THOC1: variants seen among roughly 807,000 people sequenced by gnomAD.
The protein encoded by THOC1 is THO complex 1.
In THOC1, 29 loss-of-function variants were observed where a neutral mutation model predicts 97.3. That is an observed-to-expected ratio of 0.30 (90% CI 0.22 to 0.41). The LOEUF (loss-of-function observed/expected upper bound fraction) is 0.41, where lower values mean the gene tolerates loss of function less well. THOC1 is among the 10% of genes least tolerant of loss of function. The probability of loss-of-function intolerance (pLI) is 1.00; values close to 1 mark genes in which losing one functional copy is unlikely to be tolerated. For missense variants in THOC1, 529 were observed against 761.9 expected, an observed-to-expected ratio of 0.69 and a Z score of 3.60; for synonymous variants, 255 against 257.0, an observed-to-expected ratio of 0.99 and a Z score of 0.07.
At chr18:215,755 G>A in intron 19 of THOC1, 1 of 430,136 alleles carries the variant, frequency 2.3e-6, no homozygotes, top group Non-Finnish European at 4.2e-6. Context: ...CAGGAAGTCA[G>A]TAAAAAGCAC....
chr18:216,854 G>A (rs557841860), intron 18 of THOC1, among the ~76,000 whole-genome samples: 1 of 152,014 alleles, frequency 6.6e-6, no homozygotes, highest in South Asian at 2.1e-4. Context: ...AACAATGCCT[G>A]AAGAGGCAGG....
intron 11 of THOC1, chr18:245,588 C>T (rs1197696570): frequency 1.3e-5 from 2 of 152,328 alleles, no homozygotes; most frequent in African/African-American, 4.8e-5. Context: ...AAGTTCCACC[C>T]TAGTCCTTGG....
At chr18:243,225 C>T (rs1911968531) in intron 11 of THOC1, among the ~76,000 whole-genome samples, 1 of 152,044 alleles carries the variant, frequency 6.6e-6, no homozygotes, top group Non-Finnish European at 1.5e-5. Flanking sequence ...GTGCTTAATC[C>T]TGAAAGTTCA....
intron 11 of THOC1, among the ~76,000 whole-genome samples, chr18:241,537 G>A (rs1051709807): frequency 6.6e-5 from 10 of 152,274 alleles, no homozygotes; most frequent in African/African-American, 2.4e-4. Flanking sequence ...ACCTCACCCT[G>A]GTAACTGCTA....
At chr18:260,155 A>C in intron 5 of THOC1, 31 bp downstream of exon 5, 1 of 1,371,588 alleles carries the variant, frequency 7.3e-7, no homozygotes, top group East Asian at 2.6e-5. Flanking sequence ...AGAAAGATAA[A>C]GTTAGCAGGA....
Position 251,450 on chromosome 18 carries a change from TA to T in THOC1, c.677+1088del, listed in dbSNP as rs879669113. Among the ~76,000 whole-genome samples, 69 of 152,348 alleles carry T rather than the reference TA, an allele frequency of 4.5e-4. 1 individual carries two copies. Among genetic ancestry groups the T allele is most frequent in the Admixed American group, 1.8e-3 (28 of 15,308 alleles). On this transcript the variant is annotated intron_variant, in intron 9 of 20. Coordinates refer to ENST00000261600, the MANE Select transcript of THOC1 (RefSeq NM_005131.3). ...AGTGCCAGTGAAGGAAAATTTTCCT[TA>T]ATGCCTTCTCTTTTCTCTTGCTCAT...
chr18:236,993 G>C (rs1911726432), intron 11 of THOC1, among the ~76,000 whole-genome samples: 1 of 151,918 alleles, frequency 6.6e-6, no homozygotes, highest in South Asian at 2.1e-4. Flanking sequence ...GAGTAGGCAA[G>C]AGGGTAGTCT....
intron 9 of THOC1, among the ~76,000 whole-genome samples, chr18:249,618 C>T (rs192906517): frequency 7.7e-4 from 116 of 150,612 alleles, no homozygotes; most frequent in Non-Finnish European, 1.4e-3. Context: ...GCCGAGATCA[C>T]AGCACTGCAC....
chr18:259,659 C>G, intron 6 of THOC1, 23 bp downstream of exon 6: 2 of 1,518,604 alleles, frequency 1.3e-6, no homozygotes, highest in South Asian at 2.5e-5. Flanking sequence ...AAAAAGCAAT[C>G]ATTTTATCAC....
At position 252,629 on chromosome 18, in the gene THOC1, A is replaced by G. The variant is rs1475918850; in HGVS notation, c.604-17T>C. ...TTCAGTGTGCTAAATTGAAAAAAAA[A>G]TGTATAGCCTGTCATGAAGCAGTCA... is the stretch of plus-strand genomic sequence containing the variant. On this transcript the variant is annotated splice_polypyrimidine_tract_variant and intron_variant, in intron 8 of 20. Transcript: ENST00000261600. The G allele has an allele frequency of 6.3e-7, 1 of 1,587,192 alleles. No homozygotes were observed. Among genetic ancestry groups the G allele is most frequent in the African/African-American group, 1.4e-5 (1 of 73,968 alleles).
chr18:264,122 AG>A (rs1336319115), intron 3 of THOC1, 30 bp from the exon 4 acceptor site: 2 of 1,525,620 alleles, frequency 1.3e-6, no homozygotes, highest in Admixed American at 1.7e-5. Context: ...AATTTAATTT[AG>A]GGGCAAGAGT....
intron 10 of THOC1, 72 bp from the exon 11 acceptor site, chr18:246,527 T>G: frequency 7.5e-7 from 1 of 1,340,992 alleles, no homozygotes; most frequent in Non-Finnish European, 1.0e-6. Context: ...TGCATCAAAA[T>G]GCCTAGAATT....
chr18:259,418 C>CA, intron 6 of THOC1, 143 bp from the exon 7 acceptor site: 2 of 704,726 alleles, frequency 2.8e-6, no homozygotes, highest in South Asian at 2.2e-5. Context: ...ACCACTGCCA[C>CA]AAAAAAGTAC....
rs567530510 is a variant in THOC1, at chr18:230,634, C to G, written c.919-3733G>C. Among the ~76,000 whole-genome samples the G allele has an allele frequency of 4.5e-4, 69 of 152,336 alleles. 2 individuals carry two copies. Among genetic ancestry groups the G allele is most frequent in the Admixed American group, 4.2e-3 (64 of 15,302 alleles). Reference sequence around the variant, plus strand: ...CACAGCTGAGAGTAAAACTAATACACTCAATTGTACCCTTTCTTTCATAAT... The same window carrying G: ...CACAGCTGAGAGTAAAACTAATACAGTCAATTGTACCCTTTCTTTCATAAT... On this transcript the variant is annotated intron_variant, in intron 11 of 20. Transcript: ENST00000261600.
Position 264,080 on chromosome 18 carries a change from A to G in THOC1, c.202T>C (p.Ser68Pro), listed in dbSNP as rs1202796912. ...ATAATAGCTAAAACGTTTTCACATG[A>G]TGAATGATTTATCTACCAACAGAGG... The part of the protein sequence containing the change: ...ILEEEIINHS[S>P]CENVLAIISL... Residue 68 changes from serine (S) to proline (P), a missense_variant, in exon 4 of 21, where the codon TCA (serine) becomes CCA (proline). By Grantham distance (74) the Ser-to-Pro change is moderately conservative. Transcript: ENST00000261600. 1 of 1,611,282 alleles carries G rather than the reference A, an allele frequency of 6.2e-7. No homozygotes were observed. Among genetic ancestry groups the G allele is most frequent in the African/African-American group, 1.3e-5 (1 of 74,870 alleles).
At chr18:255,253 A>C (rs1912399936) in intron 7 of THOC1, among the ~76,000 whole-genome samples, 1 of 152,244 alleles carries the variant, frequency 6.6e-6, no homozygotes, top group African/African-American at 2.4e-5. Flanking sequence ...TACATGATTA[A>C]GCTTAGTAAT....
In THOC1 at chr18:263,840, C is replaced by T. The variant is rs1027672794; in HGVS notation, c.256+186G>A. On this transcript the variant is annotated intron_variant, in intron 4 of 20. Coordinates refer to ENST00000261600, the MANE Select transcript of THOC1 (RefSeq NM_005131.3). ...AAAGGAAGTGCCAAAATGTGCACTG[C>T]ATAATAGAGATGAGAAATAAGAGTG... 9.0e-6 allele frequency: 5 copies of T among 558,470 alleles called. No homozygotes were observed. The Admixed American group carries it at 1.6e-4, about 18-fold the overall frequency. The allele number at this position is 558,470 out of a possible 1,614,324, so 34.6% of individuals were successfully genotyped here.
chr18:252,711 C>G, intron 8 of THOC1, 99 bp from the exon 9 acceptor site: 1 of 958,964 alleles, frequency 1.0e-6, no homozygotes, highest in South Asian at 1.4e-5. Flanking sequence ...CCTAGGCAAC[C>G]CACAGTTAGA....
intron 12 of THOC1, 122 bp from the exon 13 acceptor site, chr18:225,525 G>C: frequency 1.3e-6 from 1 of 754,112 alleles, no homozygotes; most frequent in South Asian, 1.8e-5. Flanking sequence ...AAATTACCAA[G>C]ACAAGAATAA....
Sources: allele counts gnomAD v4.1 joint callset (sites outside exome capture counted in the v4.1 genomes callset), GRCh38; gene constraint gnomAD v4.1.1; transcripts MANE v1.5; gene names NCBI Gene and HGNC (gene_info 2026-07-23, HGNC 2026-07-21).